ZW10: variants seen among roughly 807,000 people sequenced by gnomAD.
ZW10 encodes the protein centromere/kinetochore protein zw10 homolog.
ZW10 carries 53 observed loss-of-function variants against 87.8 expected under a neutral mutation model. That is an observed-to-expected ratio of 0.60 (90% confidence interval 0.48 to 0.76). ZW10 has a LOEUF of 0.76. ZW10 is among the 30% of genes least tolerant of loss of function. The pLI is 0.00. For synonymous variants in ZW10, 312 were observed against 329.2 expected (o/e 0.95, Z 0.57); for missense variants, 837 against 923.0 (o/e 0.91, Z 1.21).
At chr11:113,746,495 C>CAAAAAAAAAAAAAAAAAAAACA (rs1953678068) in intron 9 of ZW10, among the ~76,000 whole-genome samples, 2 of 105,330 alleles carry the variant, frequency 1.9e-5, no homozygotes, top group Non-Finnish European at 3.7e-5. Context: ...ACAAAACAGT[C>CAAAAAAAAAAAAAAAAAAAACA]AAAAAAAAAA....
At position 113,747,500 on chromosome 11, in the gene ZW10, T is replaced by C. The variant is rs1356514585; in HGVS notation, c.1272+31A>G. The C allele has an allele frequency of 2.6e-6, 4 of 1,562,930 alleles. No individual in the cohort carries two copies. In the African/African-American group the frequency reaches 4.1e-5, roughly 16 times the overall value. On this transcript the variant is annotated intron_variant, in intron 9 of 15. Transcript: ENST00000200135. ...ATGAGTTGCTTTCTCATATACAATGTTTCATATACAATGCAATATAACACT... is the reference window on the plus strand; with the variant it reads ...ATGAGTTGCTTTCTCATATACAATGCTTCATATACAATGCAATATAACACT...
At chr11:113,767,487 C>G (rs1397022206) in intron 2 of ZW10, among the ~76,000 whole-genome samples, 1 of 152,142 alleles carries the variant, frequency 6.6e-6, no homozygotes, top group Non-Finnish European at 1.5e-5. Flanking sequence ...TCACTAGGAT[C>G]CATCAATTTT....
At chr11:113,748,457 C>T (rs1389039256) in intron 7 of ZW10, 37 bp from the exon 8 acceptor site, 2 of 1,533,196 alleles carry the variant, frequency 1.3e-6, no homozygotes, top group Non-Finnish European at 1.8e-6. Context: ...AAACAAGAAA[C>T]CATTCGCAGT....
In ZW10 at chr11:113,736,605, A is replaced by C; in HGVS notation, c.2219+15T>G. 6.2e-7 allele frequency: 1 copy of C among 1,613,698 alleles called. No individual in the cohort carries two copies. The highest frequency in any genetic ancestry group is 8.5e-7 in the Non-Finnish European group (1 of 1,179,614). ...TATGGAGAGTTATATGCCTCTATAG[A>C]AGGGTTATACATACCGATCCCCAAT... On this transcript the variant is annotated intron_variant, in intron 15 of 15. Transcript: ENST00000200135.
intron 2 of ZW10, among the ~76,000 whole-genome samples, chr11:113,765,106 T>TACAG (rs1953897464): frequency 6.6e-6 from 1 of 152,200 alleles, no homozygotes; most frequent in Admixed American, 6.5e-5. Context: ...CAATACAATG[T>TACAG]ACAGGACAGA....
At position 113,773,689 on chromosome 11, in the gene ZW10, G is replaced by A. The variant is rs199959701; in HGVS notation, c.-23C>T. On this transcript the variant is annotated 5_prime_UTR_variant, in exon 1 of 16. Coordinates refer to ENST00000200135, the MANE Select transcript of ZW10 (RefSeq NM_004724.4). ...CATGGCCAAGACGGGAACCAACGCT[G>A]ACTGGGTCACTCTCGTAGCCAGCGC... 5.4e-4 allele frequency: 873 copies of A among 1,605,654 alleles called. 9 individuals carry two copies. In the African/African-American group the frequency reaches 0.011, roughly 20 times the overall value.
At position 113,733,827 on chromosome 11, in the gene ZW10, A is replaced by C. The variant is rs1272389599; in HGVS notation, c.2220-13T>G. 2 of 1,591,254 alleles carry C rather than the reference A, an allele frequency of 1.3e-6. No homozygotes were observed. Among genetic ancestry groups the C allele is most frequent in the Non-Finnish European group, 1.7e-6 (2 of 1,168,934 alleles). On this transcript the variant is annotated splice_polypyrimidine_tract_variant and intron_variant, in intron 15 of 15. Coordinates refer to ENST00000200135, the MANE Select transcript of ZW10 (RefSeq NM_004724.4). ...TCCATCTGCCCACCTGCAAAACGAA[A>C]GATAGAGTTCCATTTCCTATTAGGT...
At chr11:113,751,131 G>C (rs1953729560) in intron 7 of ZW10, 1 of 213,212 alleles carries the variant, frequency 4.7e-6, no homozygotes, top group Non-Finnish European at 9.9e-6. Flanking sequence ...CCAACTTAAT[G>C]AAACCAATAT....
intron 1 of ZW10, chr11:113,771,400 G>C (rs1953966863): frequency 6.6e-6 from 1 of 152,274 alleles, no homozygotes; most frequent in Non-Finnish European, 1.5e-5. Context: ...ACCTGGGCTG[G>C]AGTGGGGGCA....
chr11:113,770,000 G>A, intron 1 of ZW10: 1 of 184,570 alleles, frequency 5.4e-6, no homozygotes. Context: ...AAACAAATGA[G>A]TTAGCACCAA....
intron 10 of ZW10, 54 bp from the exon 11 acceptor site, chr11:113,741,819 GAA>G: frequency 7.5e-7 from 1 of 1,339,452 alleles, no homozygotes; most frequent in Non-Finnish European, 1.0e-6. Flanking sequence ...CTAAAAACAA[GAA>G]AAAAATTTAA....
At chr11:113,762,300 T>C (rs995973154) in intron 2 of ZW10, among the ~76,000 whole-genome samples, 1 of 152,154 alleles carries the variant, frequency 6.6e-6, no homozygotes, top group Non-Finnish European at 1.5e-5. Flanking sequence ...TACACCTGTA[T>C]AGGGCACTTA....
chr11:113,736,819 T>G lies in ZW10; in HGVS notation c.2020A>C (p.Ile674Leu). The G allele has an allele frequency of 6.2e-7, 1 of 1,614,116 alleles. No individual in the cohort carries two copies. Among genetic ancestry groups the G allele is most frequent in the East Asian group, 2.2e-5 (1 of 44,874 alleles). The change falls in exon 15 of 16, where the codon ATA becomes CTA. Residue 674 changes from isoleucine (I) to leucine (L), a missense_variant. Coordinates refer to ENST00000200135, the MANE Select transcript of ZW10 (RefSeq NM_004724.4). Reference protein sequence around the residue: ...VIGKITALEDISTEDGDRLYS... With the variant: ...VIGKITALEDLSTEDGDRLYS... Reference sequence around the variant, plus strand: ...AACCTATCACCATCTTCAGTAGATATGTCCTGGTTTTGCACAGAGGAAACA... The same window carrying G: ...AACCTATCACCATCTTCAGTAGATAGGTCCTGGTTTTGCACAGAGGAAACA...
At chr11:113,758,516 G>A in intron 6 of ZW10, 38 bp downstream of exon 6, 1 of 1,602,310 alleles carries the variant, frequency 6.2e-7, no homozygotes, top group Non-Finnish European at 8.5e-7. Context: ...TGGGCCTCAG[G>A]AGATTTTGTG....
In ZW10 at chr11:113,757,848, T is replaced by A; in HGVS notation, c.739A>T (p.Met247Leu). 1 of 1,588,380 alleles carries A rather than the reference T, an allele frequency of 6.3e-7. No homozygotes were observed. The highest frequency in any genetic ancestry group is 8.6e-7 in the Non-Finnish European group (1 of 1,165,306). The part of the protein sequence containing the change: ...LHSKLKSFGQ[M>L]LLKYILRPLA... ...GGCCTAAGGATATACTTCAGCAGCA[T>A]CTGACCTGAAAAATCATATGAACAT... is the stretch of plus-strand genomic sequence containing the variant. The change falls in exon 7 of 16, where the codon ATG (methionine) becomes TTG (leucine). Residue 247 changes from methionine to leucine, a missense_variant. Transcript: ENST00000200135.
Position 113,737,666 on chromosome 11 carries a change from T to G in ZW10, c.1922A>C (p.Gln641Pro). 6.2e-7 allele frequency: 1 copy of G among 1,613,514 alleles called. No homozygotes were observed. The highest frequency in any genetic ancestry group is 1.1e-5 in the South Asian group (1 of 90,978). Residue 641 changes from glutamine to proline, a missense_variant, in exon 14 of 16, where the codon CAG becomes CCG. By Grantham distance (76) the Gln-to-Pro change is moderately conservative (BLOSUM62 -1). Transcript: ENST00000200135. ...ATATATATTCACTGGCAGGACATCC[T>G]GCCACACAATTCCAAGTCTCTTTAG... The part of the protein sequence containing the change: ...HQLKRLGIVW[Q>P]DVLPVNIYCK...
chr11:113,750,173 C>A (rs934688868), intron 7 of ZW10, among the ~76,000 whole-genome samples: 1 of 152,042 alleles, frequency 6.6e-6, no homozygotes, highest in Admixed American at 6.6e-5. Flanking sequence ...GCTGGTGGTA[C>A]CACTGAAAGA....
At position 113,736,648 on chromosome 11, in the gene ZW10, G is replaced by T. The variant is rs776949546; in HGVS notation, c.2191C>A (p.Gln731Lys). The T allele has an allele frequency of 3.7e-6, 6 of 1,614,206 alleles. No individual in the cohort carries two copies. In the East Asian group the frequency reaches 1.1e-4, roughly 30 times the overall value. ...TCCCCAATTTCTTGCAAGCTGGCTT[G>T]TAGCATCATCATCAATTCCTTGAAT... ...MPFKELMMMLQASLQEIGDRW... is the reference protein window; with the variant it reads ...MPFKELMMMLKASLQEIGDRW... The change falls in exon 15 of 16, where the codon CAA becomes AAA. Residue 731 changes from glutamine (Q) to lysine (K), a missense_variant. Gln to Lys is a moderately conservative substitution (Grantham distance 53, BLOSUM62 1). Transcript: ENST00000200135.
rs1374435620 is a variant in ZW10, at chr11:113,744,034, G to A, written c.1279C>T (p.Pro427Ser). 1 of 1,601,630 alleles carries A rather than the reference G, an allele frequency of 6.2e-7. No homozygotes were observed. Among genetic ancestry groups the A allele is most frequent in the Non-Finnish European group, 8.6e-7 (1 of 1,169,404 alleles). The change falls in exon 10 of 16, where the codon CCT becomes TCT. Residue 427 changes from proline (P) to serine (S), a missense_variant. Physicochemically the swap from Pro to Ser is moderately conservative, Grantham distance 74. Coordinates refer to ENST00000200135, the MANE Select transcript of ZW10 (RefSeq NM_004724.4). ...SEIHNTVKII[P>S]DSKINVPELP... ...TCTGGCACATTTATCTTAGAATCAG[G>A]AATAATCTAAGATTCAAACACAAAA...
Sources: gnomAD v4.1 joint callset for allele counts (sites outside exome capture counted in the v4.1 genomes callset) on GRCh38, gnomAD v4.1.1 for gene constraint, MANE v1.5 for transcripts, NCBI Gene and HGNC (gene_info 2026-07-23, HGNC 2026-07-21) for gene names.